SLC35A1: variants seen among roughly 807,000 people sequenced by gnomAD.
SLC35A1 encodes the protein solute carrier family 35 member A1, also known as CMP-sialic acid transporter.
In SLC35A1, 21 loss-of-function variants were observed where a neutral mutation model predicts 40.3. The ratio of observed to expected loss-of-function variants is 0.52; its 90% CI spans 0.37 to 0.75. The LOEUF (loss-of-function observed/expected upper bound fraction) is 0.75. SLC35A1 is among the 30% of genes least tolerant of loss of function. The pLI, the probability that SLC35A1 is intolerant of heterozygous loss-of-function variation, is 0.00. For synonymous variants in SLC35A1, 146 were observed against 147.3 expected, an observed-to-expected ratio of 0.99 and a Z score of 0.06; for missense variants, 297 against 382.1, an observed-to-expected ratio of 0.78 and a Z score of 1.86.
intron 1 of SLC35A1, 73 bp downstream of exon 1, chr6:87,473,092 C>T (rs947356882): frequency 4.7e-6 from 2 of 424,928 alleles, no homozygotes; most frequent in East Asian, 3.6e-5. Context: ...GCTGGTCAGC[C>T]CCTGTCGGGC....
Position 87,501,147 on chromosome 6 carries a change from C to CA in SLC35A1, c.355-11_355-10insA. Reference sequence around the variant, plus strand: ...TTAACTGAATTTATTAATTCATTCTCTTTTTTTTAGGTGACCTACCAGTTG... The same window carrying CA: ...TTAACTGAATTTATTAATTCATTCTCATTTTTTTTAGGTGACCTACCAGTTG... On this transcript the variant is annotated splice_polypyrimidine_tract_variant and intron_variant, in intron 3 of 7. Coordinates refer to ENST00000369552, the MANE Select transcript of SLC35A1 (RefSeq NM_006416.5). The CA allele has an allele frequency of 6.2e-7, 1 of 1,600,304 alleles. No individual in the cohort carries two copies. Among genetic ancestry groups the CA allele is most frequent in the Non-Finnish European group, 8.6e-7 (1 of 1,167,678 alleles).
intron 2 of SLC35A1, among the ~76,000 whole-genome samples, chr6:87,486,887 T>C (rs1769406860): frequency 6.6e-6 from 1 of 152,006 alleles, no homozygotes; most frequent in East Asian, 1.9e-4. Context: ...AGAAAAATCA[T>C]TGAGTGGAGC....
At chr6:87,495,119 A>G (rs1199816645) in intron 2 of SLC35A1, among the ~76,000 whole-genome samples, 1 of 151,978 alleles carries the variant, frequency 6.6e-6, no homozygotes, top group Non-Finnish European at 1.5e-5. Context: ...ATAGGTGCGT[A>G]GCACCACACC....
At chr6:87,491,917 T>G (rs185227894) in intron 2 of SLC35A1, among the ~76,000 whole-genome samples, 302 of 152,316 alleles carry the variant, frequency 2.0e-3, no homozygotes, top group African/African-American at 7.0e-3. Flanking sequence ...ATCACATTTG[T>G]GGATTAGGGC....
At chr6:87,489,538 T>TG (rs1769483099) in intron 2 of SLC35A1, among the ~76,000 whole-genome samples, 1 of 116,484 alleles carries the variant, frequency 8.6e-6, no homozygotes, top group Admixed American at 9.0e-5. Flanking sequence ...CTGTGAGCTT[T>TG]TTTTTTTTTT....
At position 87,473,828 on chromosome 6, in the gene SLC35A1, G is replaced by A. The variant is rs9444506; in HGVS notation, c.16+809G>A. Among the ~76,000 whole-genome samples, 234 of 152,322 alleles carry A rather than the reference G, an allele frequency of 1.5e-3. 1 individual carries two copies. Among genetic ancestry groups the A allele is most frequent in the Middle Eastern group, 0.01 (3 of 294 alleles). On this transcript the variant is annotated intron_variant, in intron 1 of 7. Coordinates refer to ENST00000369552, the MANE Select transcript of SLC35A1 (RefSeq NM_006416.5). The stretch of plus-strand genomic sequence containing the variant: ...AACCAGGAGAAGTTGGGCAACACCC[G>A]GATTCTTGCTCCACCCTTCCTCCAT...
At chr6:87,484,134 C>G (rs2246057) in intron 2 of SLC35A1, among the ~76,000 whole-genome samples, 42,574 of 151,988 alleles carry the variant, frequency 0.28, 6,689 homozygotes, top group Admixed American at 0.41. Flanking sequence ...TCCTTTACCT[C>G]AGGTTGCCAG....
At chr6:87,505,738 A>C (rs945218521) in intron 4 of SLC35A1, among the ~76,000 whole-genome samples, 4 of 152,172 alleles carry the variant, frequency 2.6e-5, no homozygotes, top group African/African-American at 9.7e-5. Context: ...CTCAATAACT[A>C]ACTCATTCCC....
intron 2 of SLC35A1, among the ~76,000 whole-genome samples, chr6:87,479,979 A>G (rs974070858): frequency 3.3e-5 from 5 of 152,206 alleles, no homozygotes; most frequent in Non-Finnish European, 7.3e-5. Context: ...ATGCCAGAGT[A>G]AAAGGGATAG....
At chr6:87,473,536 C>G (rs1768982028) in intron 1 of SLC35A1, among the ~76,000 whole-genome samples, 1 of 152,188 alleles carries the variant, frequency 6.6e-6, no homozygotes, top group Non-Finnish European at 1.5e-5. Context: ...CAAAACAGCA[C>G]TGAAATCGTA....
chr6:87,473,368 C>T (rs993452596), intron 1 of SLC35A1, among the ~76,000 whole-genome samples: 2 of 152,146 alleles, frequency 1.3e-5, no homozygotes, highest in Non-Finnish European at 2.9e-5. Context: ...CCGCATTACC[C>T]AGCGAGGCAG....
chr6:87,507,273 G>GT (rs2127977021), intron 5 of SLC35A1, among the ~76,000 whole-genome samples: 1 of 152,204 alleles, frequency 6.6e-6, no homozygotes, highest in African/African-American at 2.4e-5. Flanking sequence ...TAAATAAGAT[G>GT]TTTTATACGA....
chr6:87,494,196 C>G (rs2127970806), intron 2 of SLC35A1, among the ~76,000 whole-genome samples: 1 of 151,842 alleles, frequency 6.6e-6, no homozygotes, highest in Non-Finnish European at 1.5e-5. Context: ...CCATATATAC[C>G]AGTCTGTACT....
At chr6:87,501,418 T>A in intron 4 of SLC35A1, 108 bp downstream of exon 4, 1 of 1,187,748 alleles carries the variant, frequency 8.4e-7, no homozygotes, top group Non-Finnish European at 1.2e-6. Context: ...TTCTTTGATT[T>A]AAAATAACTT....
At chr6:87,481,366 G>A (rs1769237340) in intron 2 of SLC35A1, among the ~76,000 whole-genome samples, 1 of 151,032 alleles carries the variant, frequency 6.6e-6, no homozygotes, top group East Asian at 2.0e-4. Context: ...GTGGTGAGCC[G>A]AGATCGCGCC....
chr6:87,497,442 GTACTT>G (rs1299949343), intron 2 of SLC35A1, among the ~76,000 whole-genome samples: 1 of 152,116 alleles, frequency 6.6e-6, no homozygotes, highest in Non-Finnish European at 1.5e-5. Context: ...CTGACGCACT[GTACTT>G]TACTTTTTGC....
intron 2 of SLC35A1, among the ~76,000 whole-genome samples, chr6:87,486,884 T>A (rs1769406726): frequency 6.6e-6 from 1 of 151,966 alleles, no homozygotes; most frequent in Non-Finnish European, 1.5e-5. Flanking sequence ...ATTAGAAAAA[T>A]CATTGAGTGG....
At chr6:87,486,259 G>A (rs79987493) in intron 2 of SLC35A1, among the ~76,000 whole-genome samples, 1,822 of 152,252 alleles carry the variant, frequency 0.012, 34 homozygotes, top group African/African-American at 0.04. Context: ...TATCGAAGTA[G>A]CACCTGAAAC....
intron 2 of SLC35A1, among the ~76,000 whole-genome samples, chr6:87,483,179 T>TTC (rs960196451): frequency 6.6e-6 from 1 of 151,678 alleles, no homozygotes; most frequent in Non-Finnish European, 1.5e-5. Flanking sequence ...CTCTCTCTCT[T>TTC]TCTCTCTCTC....
Sources: allele counts gnomAD v4.1 joint callset (sites outside exome capture counted in the v4.1 genomes callset), GRCh38; gene constraint gnomAD v4.1.1; transcripts MANE v1.5; gene names NCBI Gene and HGNC (gene_info 2026-07-23, HGNC 2026-07-21).